Variants in SDAD1 observed in about 807,000 individuals in gnomAD.
SDAD1 encodes the protein protein SDA1 homolog.
In SDAD1, 79 loss-of-function variants were observed where a neutral mutation model predicts 100.3. The ratio of observed to expected loss-of-function variants is 0.79; its 90% confidence interval spans 0.66 to 0.95. SDAD1 has a LOEUF of 0.95. Ranked by LOEUF, SDAD1 falls within the 40% of genes least tolerant of loss-of-function variation. The probability of loss-of-function intolerance (pLI) is 0.00; values close to 1 mark genes in which losing one functional copy is unlikely to be tolerated. For missense variants in SDAD1, 790 were observed against 810.9 expected, an observed-to-expected ratio of 0.97 and a Z score of 0.31; for synonymous variants, 267 against 271.4, an observed-to-expected ratio of 0.98 and a Z score of 0.16.
At position 75,969,377 on chromosome 4, in the gene SDAD1, C is replaced by T; in HGVS notation, c.906G>A (p.Lys302=). Residue 302 remains lysine (K), a synonymous_variant, in exon 11 of 22, where the codon AAG becomes AAA. Coordinates refer to ENST00000356260, the MANE Select transcript of SDAD1 (RefSeq NM_018115.4). The part of the protein sequence containing the change: ...DPQDFAEKLL[K]QLECCKERFE... ...ACCTCTCCTTACAGCACTCAAGCTGCTTTAGTAGTTTTTCCGCAAAATCTG... is the reference window on the plus strand; with the variant it reads ...ACCTCTCCTTACAGCACTCAAGCTGTTTTAGTAGTTTTTCCGCAAAATCTG... 4 of 1,613,372 alleles carry T rather than the reference C, an allele frequency of 2.5e-6. No individual in the cohort carries two copies. The highest frequency in any genetic ancestry group is 3.4e-6 in the Non-Finnish European group (4 of 1,179,632).
Position 75,950,586 on chromosome 4 carries a change from C to G in SDAD1, c.*164G>C. 2.0e-6 allele frequency: 1 copy of G among 494,374 alleles called. No homozygotes were observed. Among genetic ancestry groups the G allele is most frequent in the Non-Finnish European group, 3.8e-6 (1 of 265,644 alleles). The allele number at this position is 494,374 out of a possible 1,614,324, so 30.6% of individuals were successfully genotyped here. On this transcript the variant is annotated 3_prime_UTR_variant, in exon 22 of 22. Coordinates refer to ENST00000356260, the MANE Select transcript of SDAD1 (RefSeq NM_018115.4). ...TTTACATTAACATTCCTACCATTAGCCGTCTCCAAAATAAAAACACAAAAT... is the reference window on the plus strand; with the variant it reads ...TTTACATTAACATTCCTACCATTAGGCGTCTCCAAAATAAAAACACAAAAT...
rs745387386 is a variant in SDAD1, at chr4:75,990,697, G to A, written c.90+55C>T. ...GCCCCACTCCATGCTTTCCCGCACCGGCGTCTCAACCATCCACTATCCGGC... is the reference window on the plus strand; with the variant it reads ...GCCCCACTCCATGCTTTCCCGCACCAGCGTCTCAACCATCCACTATCCGGC... On this transcript the variant is annotated intron_variant, in intron 1 of 21. Coordinates refer to ENST00000356260, the MANE Select transcript of SDAD1 (RefSeq NM_018115.4). The A allele has an allele frequency of 3.7e-6, 6 of 1,610,760 alleles. No homozygotes were observed. The South Asian group carries it at 5.5e-5, about 15-fold the overall frequency.
At chr4:75,963,671 TG>T (rs1729379202) in intron 14 of SDAD1, among the ~76,000 whole-genome samples, 1 of 152,120 alleles carries the variant, frequency 6.6e-6, no homozygotes, top group Admixed American at 6.6e-5. Flanking sequence ...TATAAAAAAG[TG>T]AGTTTGGCCC....
intron 21 of SDAD1, among the ~76,000 whole-genome samples, chr4:75,955,465 A>G (rs1443079087): frequency 6.6e-6 from 1 of 152,150 alleles, no homozygotes; most frequent in African/African-American, 2.4e-5. Flanking sequence ...TCCCGCAATA[A>G]TCACTGGAGC....
At chr4:75,957,984 A>G (rs1171441374) in intron 17 of SDAD1, 43 bp from the exon 18 acceptor site, 1 of 1,484,398 alleles carries the variant, frequency 6.7e-7, no homozygotes, top group African/African-American at 1.4e-5. Flanking sequence ...TTTATGTTGC[A>G]CATTCAACAT....
At chr4:75,953,154 T>C (rs924265489) in intron 21 of SDAD1, among the ~76,000 whole-genome samples, 1 of 152,216 alleles carries the variant, frequency 6.6e-6, no homozygotes, top group South Asian at 2.1e-4. Context: ...AAAAACATTC[T>C]TGAACCAACA....
At chr4:75,953,726 GGCTA>G (rs1728736826) in intron 21 of SDAD1, among the ~76,000 whole-genome samples, 1 of 152,120 alleles carries the variant, frequency 6.6e-6, no homozygotes, top group Non-Finnish European at 1.5e-5. Flanking sequence ...GCTGATCCTT[GGCTA>G]GCTATTTAGG....
At chr4:75,965,581 G>T (rs567756751) in intron 13 of SDAD1, among the ~76,000 whole-genome samples, 183 bp downstream of exon 13, 1 of 152,120 alleles carries the variant, frequency 6.6e-6, no homozygotes, top group South Asian at 2.1e-4. Context: ...TCCCCTGGAC[G>T]CCCAGCTTTA....
rs191420522 is a variant in SDAD1, at chr4:75,965,231, C to T, written c.1104+533G>A. Among the ~76,000 whole-genome samples, 160 of 152,272 alleles carry T rather than the reference C, an allele frequency of 1.1e-3. 1 individual carries two copies. Among genetic ancestry groups the T allele is most frequent in the African/African-American group, 3.7e-3 (152 of 41,540 alleles). On this transcript the variant is annotated intron_variant, in intron 13 of 21. Transcript: ENST00000356260. ...GGTTGTAGATAAGGGATGAAATAAG[C>T]CCCGGTCTCCCGTGGCACTCCCAGG...
At position 75,989,182 on chromosome 4, in the gene SDAD1, G is replaced by A. The variant is rs780905293; in HGVS notation, c.90+1570C>T. Among the ~76,000 whole-genome samples, 4 of 152,250 alleles carry A rather than the reference G, an allele frequency of 2.6e-5. No individual in the cohort carries two copies. The East Asian group carries it at 7.7e-4, about 29-fold the overall frequency. On this transcript the variant is annotated intron_variant, in intron 1 of 21. Coordinates refer to ENST00000356260, the MANE Select transcript of SDAD1 (RefSeq NM_018115.4). ...ATCTTCCACTGCCCTCTTCTATGCTGACTACACTTTAGCTACACTGGCTTC... is the reference window on the plus strand; with the variant it reads ...ATCTTCCACTGCCCTCTTCTATGCTAACTACACTTTAGCTACACTGGCTTC...
At chr4:75,975,066 T>TA (rs963377363) in intron 6 of SDAD1, among the ~76,000 whole-genome samples, 5 of 150,748 alleles carry the variant, frequency 3.3e-5, no homozygotes, top group Admixed American at 6.6e-5. Context: ...AAATAAAAAT[T>TA]AAAAAAAATA....
chr4:75,965,833 AAG>A lies in SDAD1; in HGVS notation c.1046-13_1046-12del. 6.2e-7 allele frequency: 1 copy of A among 1,612,206 alleles called. No homozygotes were observed. Among genetic ancestry groups the A allele is most frequent in the Non-Finnish European group, 8.5e-7 (1 of 1,178,738 alleles). On this transcript the variant is annotated splice_polypyrimidine_tract_variant and intron_variant, in intron 12 of 21. Transcript: ENST00000356260. ...GGATCTTGGTTACTTCTGAAAACAT[AAG>A]AGAACAGAAAGGTCATGGTCAGTGT...
intron 13 of SDAD1, 85 bp downstream of exon 13, chr4:75,965,679 A>C (rs1321844421): frequency 9.6e-7 from 1 of 1,036,980 alleles, no homozygotes; most frequent in African/African-American, 1.6e-5. Context: ...TATCGGGGGC[A>C]GGTTCCCCCG....
intron 14 of SDAD1, among the ~76,000 whole-genome samples, chr4:75,963,288 A>ACCATG (rs1729353378): frequency 1.3e-4 from 17 of 127,844 alleles, no homozygotes; most frequent in African/African-American, 3.7e-4. Flanking sequence ...TGTTTTGGTT[A>ACCATG]CTGTAGCCTT....
intron 8 of SDAD1, among the ~76,000 whole-genome samples, chr4:75,971,939 AT>A (rs35932670): frequency 0.013 from 1,743 of 138,336 alleles, 15 homozygotes; most frequent in Middle Eastern, 0.057. Context: ...CTGTAGCACT[AT>A]TTTTTTTTTT....
chr4:75,989,803 G>A (rs527781254), intron 1 of SDAD1, among the ~76,000 whole-genome samples: 1 of 152,208 alleles, frequency 6.6e-6, no homozygotes, highest in East Asian at 1.9e-4. Flanking sequence ...TTTCTCTACT[G>A]GTGACCTAAG....
chr4:75,960,504 A>G (rs1190060955), intron 16 of SDAD1, among the ~76,000 whole-genome samples: 1 of 152,222 alleles, frequency 6.6e-6, no homozygotes, highest in Non-Finnish European at 1.5e-5. Flanking sequence ...TGACAGCAAC[A>G]GTTTGCTTAT....
rs1729405675 is a variant in SDAD1, at chr4:75,964,163, T to G, written c.1153A>C (p.Lys385Gln). 1.2e-6 allele frequency: 2 copies of G among 1,609,706 alleles called. No homozygotes were observed. Among genetic ancestry groups the G allele is most frequent in the Middle Eastern group, 1.7e-4 (1 of 5,850 alleles). Residue 385 changes from lysine (K) to glutamine (Q), a missense_variant, in exon 14 of 22, where the codon AAG becomes CAG. Transcript: ENST00000356260. ...ACTGTCATGACTTCTCCAGAGTTCTTGTCGGTAACAAAATTGTTTGCCACA... is the reference window on the plus strand; with the variant it reads ...ACTGTCATGACTTCTCCAGAGTTCTGGTCGGTAACAAAATTGTTTGCCACA... ...MTVANNFVTD[K>Q]NSGEVMTVGI...
chr4:75,967,374 C>T, intron 11 of SDAD1, 40 bp from the exon 12 acceptor site: 1 of 1,552,444 alleles, frequency 6.4e-7, no homozygotes, highest in Non-Finnish European at 8.9e-7. Context: ...ATGCAGCTGA[C>T]ACTATGGAGT....
Sources: allele counts gnomAD v4.1 joint callset (sites outside exome capture counted in the v4.1 genomes callset), GRCh38; gene constraint gnomAD v4.1.1; transcripts MANE v1.5; gene names NCBI Gene and HGNC (gene_info 2026-07-23, HGNC 2026-07-21).